VPS13A: variants seen among roughly 807,000 people sequenced by gnomAD.
The protein encoded by VPS13A is vacuolar protein sorting 13 homolog A, also known as intermembrane lipid transfer protein VPS13A.
VPS13A carries 264 observed loss-of-function variants against 390.9 expected under a neutral mutation model. That is an observed-to-expected ratio of 0.68 (90% CI 0.61 to 0.75). The LOEUF (loss-of-function observed/expected upper bound fraction) is 0.75. Among genes scored for constraint, VPS13A ranks in the 30% least tolerant of loss-of-function variants. The pLI is 0.00. For missense variants in VPS13A, 3,409 were observed against 3,733.9 expected, an observed-to-expected ratio of 0.91 and a Z score of 2.27; for synonymous variants, 1,231 against 1,227.1, an observed-to-expected ratio of 1.00 and a Z score of -0.07.
intron 67 of VPS13A, among the ~76,000 whole-genome samples, chr9:77,372,861 A>G (rs1321859141): frequency 1.3e-5 from 2 of 152,158 alleles, no homozygotes; most frequent in Admixed American, 1.3e-4. Context: ...AGAGAGCCAA[A>G]TCATAAGTGA....
chr9:77,283,524 C>T (rs1366244422), intron 30 of VPS13A, 23 bp from the exon 31 acceptor site: 1 of 1,605,432 alleles, frequency 6.2e-7, no homozygotes, highest in Non-Finnish European at 8.5e-7. Flanking sequence ...AAAGAAAAGG[C>T]AGTCATTCTT....
In VPS13A at chr9:77,403,266, A is replaced by G; in HGVS notation, c.9220A>G (p.Lys3074Glu). The G allele has an allele frequency of 6.2e-7, 1 of 1,612,432 alleles. No individual in the cohort carries two copies. The change falls in exon 69 of 72, where the codon AAA becomes GAA. Residue 3074 changes from lysine (K) to glutamate (E), a missense_variant. Transcript: ENST00000360280. ...GGAAAATGGAAGATTTGCAAAATAC[A>G]AATATTTTACCCATGTCATGATCAA... ...VMENGRFAKY[K>E]YFTHVMINKT...
intron 54 of VPS13A, among the ~76,000 whole-genome samples, chr9:77,356,177 A>G (rs1429133746): frequency 1.3e-5 from 2 of 152,068 alleles, no homozygotes; most frequent in Non-Finnish European, 1.5e-5. Context: ...GCTCTTCTTC[A>G]TATACTGCAA....
intron 19 of VPS13A, among the ~76,000 whole-genome samples, chr9:77,243,518 C>T (rs1824626403): frequency 6.6e-6 from 1 of 152,150 alleles, no homozygotes; most frequent in Non-Finnish European, 1.5e-5. Context: ...CTTACAGAGC[C>T]TGCTCAACTA....
chr9:77,339,222 T>C (rs1409972530), intron 47 of VPS13A: 5 of 359,750 alleles, frequency 1.4e-5, no homozygotes, highest in Non-Finnish European at 2.5e-5. Context: ...TAGTGTTTTA[T>C]GTTTATAATT....
chr9:77,341,219 G>A (rs541119984), intron 50 of VPS13A, among the ~76,000 whole-genome samples: 1 of 151,932 alleles, frequency 6.6e-6, no homozygotes, highest in South Asian at 2.1e-4. Context: ...TCTCTCTGGC[G>A]GGAGGGACAA....
At chr9:77,390,226 GAATGGGAT>G in intron 68 of VPS13A, 4 of 624,752 alleles carry the variant, frequency 6.4e-6, no homozygotes, top group Non-Finnish European at 8.0e-6. Flanking sequence ...GGATACTTCT[GAATGGGAT>G]GAGAACACTG....
At chr9:77,345,244 C>T in intron 52 of VPS13A, 102 bp downstream of exon 52, 1 of 1,269,232 alleles carries the variant, frequency 7.9e-7, no homozygotes, top group Non-Finnish European at 1.1e-6. Context: ...CTGATAATAG[C>T]ATTGTAGCTG....
intron 45 of VPS13A, 129 bp downstream of exon 45, chr9:77,323,356 A>G: frequency 2.6e-6 from 3 of 1,148,772 alleles, no homozygotes; most frequent in Non-Finnish European, 3.8e-6. Flanking sequence ...GATATCAAAA[A>G]GAAGACTCAC....
chr9:77,357,335 A>G (rs547383003), intron 55 of VPS13A, among the ~76,000 whole-genome samples: 124 of 150,786 alleles, frequency 8.2e-4, no homozygotes, highest in Non-Finnish European at 1.5e-3. Context: ...AAAAAAAAAA[A>G]AAAAAAAGAA....
intron 71 of VPS13A, among the ~76,000 whole-genome samples, chr9:77,412,854 C>A (rs9802760): frequency 6.7e-6 from 1 of 149,860 alleles, no homozygotes; most frequent in African/African-American, 2.5e-5. Context: ...AAAACCCCAT[C>A]GTCTCAGCCC....
chr9:77,399,696 CAG>C (rs1324157868), intron 68 of VPS13A, among the ~76,000 whole-genome samples: 6 of 151,988 alleles, frequency 3.9e-5, no homozygotes, highest in African/African-American at 9.7e-5. Context: ...AAAACTGAAA[CAG>C]AATAAAAGAA....
Position 77,267,518 on chromosome 9 carries a change from T to C in VPS13A, c.2428-5762T>C, listed in dbSNP as rs183373877. 3.3e-5 allele frequency among the ~76,000 whole-genome samples: 5 copies of C among 152,328 alleles called. No homozygotes were observed. The East Asian group carries it at 9.7e-4, about 29-fold the overall frequency. ...GAGGCTGCAGAACAGCAAAGATTGC[T>C]GCCTGTTCCTTCCTCTGGAAGCTTC... On this transcript the variant is annotated intron_variant, in intron 23 of 71. Coordinates refer to ENST00000360280, the MANE Select transcript of VPS13A (RefSeq NM_033305.3).
At chr9:77,284,074 T>C (rs1827194234) in intron 31 of VPS13A, among the ~76,000 whole-genome samples, 1 of 151,944 alleles carries the variant, frequency 6.6e-6, no homozygotes, top group South Asian at 2.1e-4. Context: ...CTTATTGTCA[T>C]CAGCGATCAC....
chr9:77,227,431 C>T lies in VPS13A; in HGVS notation c.1398C>T (p.Leu466=). 6.2e-7 allele frequency: 1 copy of T among 1,613,614 alleles called. No homozygotes were observed. The highest frequency in any genetic ancestry group is 8.5e-7 in the Non-Finnish European group (1 of 1,179,824). ...EMLTPEEKAL[L]YEAIGYSETA... is the part of the protein sequence containing the mutation. ...TGACACCTGAAGAAAAAGCTTTACT[C>T]TATGAAGCAATTGGCTATAGTGAAA... Residue 466 remains leucine (L), a synonymous_variant, in exon 16 of 72, where the codon CTC becomes CTT. Coordinates refer to ENST00000360280, the MANE Select transcript of VPS13A (RefSeq NM_033305.3).
At chr9:77,237,315 C>T (rs1277337983) in intron 17 of VPS13A, among the ~76,000 whole-genome samples, 1 of 152,148 alleles carries the variant, frequency 6.6e-6, no homozygotes, top group African/African-American at 2.4e-5. Context: ...GAGCTCCTCA[C>T]ATAGTCATTC....
At position 77,421,479 on chromosome 9, in the gene VPS13A, T is replaced by G. The variant is rs535761610; in HGVS notation, c.*5473T>G. Reference sequence around the variant, plus strand: ...GTATTGGTAGATTTGGATTGCATGGTAAGATGACTGCCCATTTTCACCATG... The same window carrying G: ...GTATTGGTAGATTTGGATTGCATGGGAAGATGACTGCCCATTTTCACCATG... On this transcript the variant is annotated 3_prime_UTR_variant, in exon 72 of 72. Transcript: ENST00000360280. The G allele has an allele frequency of 2.6e-5, 4 of 152,324 alleles. No homozygotes were observed. The highest frequency in any genetic ancestry group is 5.9e-5 in the Non-Finnish European group (4 of 68,022). The allele number at this position is 152,324 out of a possible 1,614,324, so 9.4% of individuals were successfully genotyped here.
intron 68 of VPS13A, among the ~76,000 whole-genome samples, chr9:77,391,402 CAGATT>C (rs959842340): frequency 1.3e-5 from 2 of 152,308 alleles, no homozygotes; most frequent in Admixed American, 6.5e-5. Context: ...CATGCAAAAT[CAGATT>C]AGAGGCCTCT....
At chr9:77,403,099 A>G in intron 68 of VPS13A, 137 bp from the exon 69 acceptor site, 1 of 644,432 alleles carries the variant, frequency 1.6e-6, no homozygotes, top group Non-Finnish European at 2.7e-6. Context: ...CAATGATTTT[A>G]CAAATAATTA....
Sources: gnomAD v4.1 joint callset for allele counts (sites outside exome capture counted in the v4.1 genomes callset) on GRCh38, gnomAD v4.1.1 for gene constraint, MANE v1.5 for transcripts, NCBI Gene and HGNC (gene_info 2026-07-23, HGNC 2026-07-21) for gene names.